The following FAM124A variants were observed in gnomAD, a reference collection of about 807,000 sequenced individuals.
The protein encoded by FAM124A is protein FAM124A.
A neutral mutation model predicts 24.5 loss-of-function variants in FAM124A; 23 were observed. The ratio of observed to expected loss-of-function variants is 0.94; its 90% CI spans 0.68 to 1.33. The LOEUF (loss-of-function observed/expected upper bound fraction) is 1.33, where lower values mean the gene tolerates loss of function less well. Ranked by LOEUF, FAM124A falls within the 40% of genes most tolerant of loss-of-function variation. The pLI is 0.00. For missense variants in FAM124A, 623 were observed against 722.8 expected (o/e 0.86, Z 1.58); for synonymous variants, 287 against 314.7 (o/e 0.91, Z 0.93).
intron 2 of FAM124A, among the ~76,000 whole-genome samples, chr13:51,247,043 G>A (rs1301330278): frequency 8.5e-5 from 13 of 152,260 alleles, no homozygotes; most frequent in Non-Finnish European, 1.3e-4. Context: ...TGTGCCAACA[G>A]GGAGGGCAGT....
At chr13:51,257,044 T>G (rs77793031) in intron 3 of FAM124A, among the ~76,000 whole-genome samples, 81 of 152,328 alleles carry the variant, frequency 5.3e-4, no homozygotes, top group African/African-American at 1.9e-3. Context: ...CTGAATAATA[T>G]TCCATTGCAG....
intron 2 of FAM124A, 41 bp downstream of exon 2, chr13:51,231,420 CCCCGGA>C (rs1292503206): frequency 4.4e-6 from 7 of 1,608,962 alleles, no homozygotes; most frequent in Non-Finnish European, 5.9e-6. Context: ...GTCTAACGGT[CCCCGGA>C]GAGGTCAGTA....
chr13:51,260,876 G>A (rs1002783406), intron 3 of FAM124A, among the ~76,000 whole-genome samples: 1 of 152,178 alleles, frequency 6.6e-6, no homozygotes, highest in African/African-American at 2.4e-5. Flanking sequence ...CCAGCTCCAG[G>A]AACTGGCCAG....
intron 2 of FAM124A, among the ~76,000 whole-genome samples, chr13:51,248,991 C>T (rs1954592967): frequency 6.6e-6 from 1 of 152,154 alleles, no homozygotes; most frequent in Non-Finnish European, 1.5e-5. Flanking sequence ...CTTCCTTTGC[C>T]CCTTATCAAC....
In FAM124A at chr13:51,222,584, G is replaced by A. The variant is rs1249739912; in HGVS notation, c.68+15G>A. 4.1e-6 allele frequency: 5 copies of A among 1,222,474 alleles called. No homozygotes were observed. In the African/African-American group the frequency reaches 6.3e-5, roughly 15 times the overall value. The allele number at this position is 1,222,474 out of a possible 1,614,324, so 75.7% of individuals were successfully genotyped here. A position where few individuals can be genotyped will look rare whatever the true frequency, so the allele number is the denominator to read the frequency against. On this transcript the variant is annotated intron_variant, in intron 1 of 3. Coordinates refer to ENST00000322475, the MANE Select transcript of FAM124A (RefSeq NM_001242312.2). ...GAGACCGGAGGGTGAGCCGCGCCGG[G>A]CCGGGCCGCGGGCGGGGGGCGCTCT...
At chr13:51,239,952 C>T (rs984835102) in intron 2 of FAM124A, among the ~76,000 whole-genome samples, 1 of 152,228 alleles carries the variant, frequency 6.6e-6, no homozygotes, top group African/African-American at 2.4e-5. Context: ...CTGCTGCCCT[C>T]ACTGGAAGTG....
At position 51,282,154 on chromosome 13, in the gene FAM124A, T is replaced by C. The variant is rs1954946327; in HGVS notation, c.*898T>C. Reference sequence around the variant, plus strand: ...CTTTCAAAAACCACAGTCTAAGGACTATATTCAAATGACAAGAGCCGCACT... The same window carrying C: ...CTTTCAAAAACCACAGTCTAAGGACCATATTCAAATGACAAGAGCCGCACT... On this transcript the variant is annotated 3_prime_UTR_variant, in exon 4 of 4. Transcript: ENST00000322475. 6.6e-6 allele frequency: 1 copy of C among 152,222 alleles called. No homozygotes were observed. Among genetic ancestry groups the C allele is most frequent in the Non-Finnish European group, 1.5e-5 (1 of 68,044 alleles). 9.4% of individuals were successfully genotyped at this position (152,222 alleles called of 1,614,324 possible).
At chr13:51,241,443 C>T (rs1954493174) in intron 2 of FAM124A, among the ~76,000 whole-genome samples, 1 of 152,180 alleles carries the variant, frequency 6.6e-6, no homozygotes, top group Non-Finnish European at 1.5e-5. Flanking sequence ...TTGGGGCAGG[C>T]ACTTCAGGAC....
At chr13:51,278,252 A>C (rs1050485533) in intron 3 of FAM124A, among the ~76,000 whole-genome samples, 1 of 152,198 alleles carries the variant, frequency 6.6e-6, no homozygotes, top group Admixed American at 6.5e-5. Context: ...CACTCTAAAA[A>C]GGTCCACTGA....
intron 3 of FAM124A, among the ~76,000 whole-genome samples, chr13:51,260,512 G>A (rs1444415962): frequency 3.9e-5 from 6 of 152,296 alleles, no homozygotes; most frequent in Middle Eastern, 6.8e-3. Context: ...TTAATTGCAC[G>A]CTTAATAGGT....
At chr13:51,224,085 T>C (rs981932124) in intron 1 of FAM124A, among the ~76,000 whole-genome samples, 1 of 152,228 alleles carries the variant, frequency 6.6e-6, no homozygotes, top group Non-Finnish European at 1.5e-5. Context: ...CCAGGCCTCC[T>C]GGGAGGGGCT....
intron 1 of FAM124A, among the ~76,000 whole-genome samples, chr13:51,224,823 C>T (rs111288252): frequency 1.3e-5 from 2 of 152,194 alleles, no homozygotes; most frequent in Non-Finnish European, 2.9e-5. Context: ...TGCCCTGACT[C>T]CTGTTATGGA....
At chr13:51,247,607 A>C (rs1485397775) in intron 2 of FAM124A, among the ~76,000 whole-genome samples, 1 of 152,066 alleles carries the variant, frequency 6.6e-6, no homozygotes, top group Non-Finnish European at 1.5e-5. Flanking sequence ...TTTACTTCGC[A>C]TGGTGTTTTT....
At chr13:51,264,467 T>TGCATACACCTGCCAGATGTAGTG (rs1204102700) in intron 3 of FAM124A, among the ~76,000 whole-genome samples, 3 of 152,148 alleles carry the variant, frequency 2.0e-5, no homozygotes, top group African/African-American at 7.2e-5. Context: ...GCTTCAAAGT[T>TGCATACACCTGCCAGATGTAGTG]GCATACACCT....
chr13:51,252,361 C>A, intron 3 of FAM124A, 160 bp downstream of exon 3: 1 of 978,194 alleles, frequency 1.0e-6, no homozygotes, highest in Non-Finnish European at 1.5e-6. Context: ...CATACAGGAT[C>A]CCAACAAAAG....
chr13:51,257,017 C>T lies in FAM124A; in HGVS notation c.834+4816C>T, dbSNP rs147861791. On this transcript the variant is annotated intron_variant, in intron 3 of 3. Coordinates refer to ENST00000322475, the MANE Select transcript of FAM124A (RefSeq NM_001242312.2). Reference sequence around the variant, plus strand: ...ATCCATGTTGTAGAATGTGTCAGAACGTCCTTTCCTTTAAGGCTGAATAAT... The same window carrying T: ...ATCCATGTTGTAGAATGTGTCAGAATGTCCTTTCCTTTAAGGCTGAATAAT... 1.5e-3 allele frequency among the ~76,000 whole-genome samples: 234 copies of T among 152,298 alleles called. 1 individual carries two copies. Among genetic ancestry groups the T allele is most frequent in the African/African-American group, 5.0e-3 (208 of 41,562 alleles).
chr13:51,259,152 G>A (rs942697750), intron 3 of FAM124A, among the ~76,000 whole-genome samples: 8 of 152,148 alleles, frequency 5.3e-5, no homozygotes, highest in Non-Finnish European at 1.0e-4. Flanking sequence ...ACCTCAGGAC[G>A]CTTGCAGAAC....
chr13:51,276,133 C>T (rs930767250), intron 3 of FAM124A, among the ~76,000 whole-genome samples: 1 of 152,154 alleles, frequency 6.6e-6, no homozygotes, highest in Non-Finnish European at 1.5e-5. Flanking sequence ...TCTTGTAGAG[C>T]TTGCCAAGGA....
Position 51,222,473 on chromosome 13 carries a change from G to A in FAM124A, c.-29G>A, listed in dbSNP as rs1420459567. 1 of 1,208,038 alleles carries A rather than the reference G, an allele frequency of 8.3e-7. No individual in the cohort carries two copies. Among genetic ancestry groups the A allele is most frequent in the Non-Finnish European group, 1.0e-6 (1 of 973,760 alleles). The allele number at this position is 1,208,038 out of a possible 1,614,324, so 74.8% of individuals were successfully genotyped here. ...GGCGCCCCGGGTCACGACGGCGCCC[G>A]CAAGCCGAGCGCGGCCGGGACGTGC... is the stretch of plus-strand genomic sequence containing the variant. On this transcript the variant is annotated 5_prime_UTR_variant, in exon 1 of 4. Transcript: ENST00000322475.
Sources: gnomAD v4.1 joint callset for allele counts (sites outside exome capture counted in the v4.1 genomes callset) on GRCh38, gnomAD v4.1.1 for gene constraint, MANE v1.5 for transcripts, NCBI Gene and HGNC (gene_info 2026-07-23, HGNC 2026-07-21) for gene names.